ULK4: variants seen among roughly 807,000 people sequenced by gnomAD.
ULK4 encodes the protein inactive serine/threonine-protein kinase ULK4.
A neutral mutation model predicts 160.6 loss-of-function variants in ULK4; 133 were observed. The observed-to-expected ratio is 0.83, with a 90% confidence interval of 0.72 to 0.96. The LOEUF (loss-of-function observed/expected upper bound fraction) is 0.96, where lower values mean the gene tolerates loss of function less well. ULK4 is among the 40% of genes least tolerant of loss of function. The pLI, the probability that ULK4 is intolerant of heterozygous loss-of-function variation, is 0.00. For synonymous variants in ULK4, 534 were observed against 539.8 expected, an observed-to-expected ratio of 0.99 and a Z score of 0.15; for missense variants, 1,580 against 1,499.5, an observed-to-expected ratio of 1.05 and a Z score of -0.89.
intron 32 of ULK4, among the ~76,000 whole-genome samples, chr3:41,556,487 CTTTTTT>C (rs34888775): frequency 8.5e-6 from 1 of 117,054 alleles, no homozygotes; most frequent in Non-Finnish European, 1.6e-5. Context: ...CTCTACCAAA[CTTTTTT>C]TTTTTTTTTT....
At chr3:41,866,813 AG>A (rs1392488347) in intron 17 of ULK4, among the ~76,000 whole-genome samples, 1 of 152,242 alleles carries the variant, frequency 6.6e-6, no homozygotes. Flanking sequence ...TAACAGATAT[AG>A]GGCTCCCCAA....
At chr3:41,836,076 G>C (rs2041748756) in intron 17 of ULK4, 105 bp from the exon 18 acceptor site, 1 of 702,528 alleles carries the variant, frequency 1.4e-6, no homozygotes, top group East Asian at 2.8e-5. Flanking sequence ...CCATTTTTAA[G>C]AACTATTTTC....
intron 35 of ULK4, among the ~76,000 whole-genome samples, chr3:41,294,226 G>T (rs1216406141): frequency 6.6e-6 from 1 of 152,128 alleles, no homozygotes; most frequent in South Asian, 2.1e-4. Context: ...GCAGGAGTGG[G>T]TTTGCTCTCT....
At chr3:41,323,227 A>G (rs953409827) in intron 35 of ULK4, among the ~76,000 whole-genome samples, 2 of 152,078 alleles carry the variant, frequency 1.3e-5, no homozygotes, top group African/African-American at 4.8e-5. Flanking sequence ...ATGAGCCACC[A>G]TGCCCGGCCA....
At chr3:41,652,416 C>T (rs2034778390) in intron 30 of ULK4, among the ~76,000 whole-genome samples, 1 of 152,080 alleles carries the variant, frequency 6.6e-6, no homozygotes, top group Admixed American at 6.5e-5. Context: ...CTTATTTCAT[C>T]AGTGCTTATG....
chr3:41,288,170 A>G (rs535063403), intron 35 of ULK4, among the ~76,000 whole-genome samples: 1 of 152,306 alleles, frequency 6.6e-6, no homozygotes, highest in East Asian at 1.9e-4. Context: ...TTCACAAACA[A>G]AAAAATTTGA....
chr3:41,581,117 T>C (rs2030291248), intron 31 of ULK4, among the ~76,000 whole-genome samples: 1 of 151,894 alleles, frequency 6.6e-6, no homozygotes. Context: ...AAGAACAATA[T>C]AAAATTGTAA....
chr3:41,949,932 C>T (rs1048498408), intron 2 of ULK4, among the ~76,000 whole-genome samples: 6 of 151,598 alleles, frequency 4.0e-5, no homozygotes, highest in Admixed American at 2.0e-4. Context: ...GACAAGGTTT[C>T]ACCATGTTGC....
At chr3:41,578,067 C>T (rs2088258459) in intron 31 of ULK4, among the ~76,000 whole-genome samples, 1 of 152,256 alleles carries the variant, frequency 6.6e-6, no homozygotes, top group Admixed American at 6.5e-5. Context: ...TGCATGCTAA[C>T]CCTCAGGCCA....
intron 35 of ULK4, among the ~76,000 whole-genome samples, chr3:41,382,371 T>G (rs2081676370): frequency 6.6e-6 from 1 of 152,196 alleles, no homozygotes; most frequent in African/African-American, 2.4e-5. Context: ...TGTGTGGTAC[T>G]GAAAAATGCT....
chr3:41,387,093 CTT>C (rs1168576046), intron 35 of ULK4, among the ~76,000 whole-genome samples: 6 of 151,972 alleles, frequency 3.9e-5, no homozygotes, highest in African/African-American at 1.4e-4. Context: ...TTTTGATAGA[CTT>C]TAAAAAAAAT....
At chr3:41,803,664 A>T (rs902058356) in intron 19 of ULK4, among the ~76,000 whole-genome samples, 2 of 151,900 alleles carry the variant, frequency 1.3e-5, no homozygotes, top group Non-Finnish European at 2.9e-5. Context: ...GTCCCCAGAG[A>T]GTGATGTTCC....
chr3:41,926,241 A>C (rs1386383863), intron 5 of ULK4, among the ~76,000 whole-genome samples: 1 of 152,230 alleles, frequency 6.6e-6, no homozygotes, highest in East Asian at 1.9e-4. Flanking sequence ...AAACTCCAGC[A>C]GACCTGAAGC....
At chr3:41,856,508 AATAAATAT>A (rs1426550022) in intron 17 of ULK4, among the ~76,000 whole-genome samples, 49 of 95,890 alleles carry the variant, frequency 5.1e-4, no homozygotes, top group African/African-American at 2.2e-3. Context: ...TAAATAAATA[AATAAATAT>A]ATATATATAT....
At chr3:41,451,469 G>A (rs1297333921) in intron 34 of ULK4, among the ~76,000 whole-genome samples, 1 of 151,650 alleles carries the variant, frequency 6.6e-6, no homozygotes. Context: ...GTGATCAAAG[G>A]GGAAATTTTC....
intron 27 of ULK4, among the ~76,000 whole-genome samples, chr3:41,698,628 G>A (rs931958329): frequency 6.6e-6 from 1 of 152,066 alleles, no homozygotes; most frequent in South Asian, 2.1e-4. Flanking sequence ...CCTGTATATA[G>A]GCTTACCTTT....
chr3:41,748,089 T>C (rs1329370624), intron 22 of ULK4, among the ~76,000 whole-genome samples: 1 of 151,874 alleles, frequency 6.6e-6, no homozygotes, highest in Non-Finnish European at 1.5e-5. Context: ...ACTGATAATA[T>C]TGGTTATTAC....
intron 21 of ULK4, among the ~76,000 whole-genome samples, chr3:41,764,556 C>A (rs150149678): frequency 1.3e-5 from 2 of 152,148 alleles, no homozygotes; most frequent in South Asian, 4.1e-4. Context: ...CAGAGCAAGA[C>A]CCTGTCTCTA....
intron 12 of ULK4, among the ~76,000 whole-genome samples, chr3:41,906,134 G>A (rs1303451267): frequency 2.1e-5 from 3 of 146,032 alleles, no homozygotes; most frequent in Non-Finnish European, 3.0e-5. Flanking sequence ...GGAGAATGGC[G>A]TGAACCCGGG....
Sources: gnomAD v4.1 joint callset for allele counts (sites outside exome capture counted in the v4.1 genomes callset) on GRCh38, gnomAD v4.1.1 for gene constraint, MANE v1.5 for transcripts, NCBI Gene and HGNC (gene_info 2026-07-23, HGNC 2026-07-21) for gene names.